Variants in GET4 observed in about 807,000 individuals in gnomAD.
The protein encoded by GET4 is guided entry of tail-anchored proteins factor 4.
A neutral mutation model predicts 40.0 loss-of-function variants in GET4; 20 were observed. The ratio of observed to expected loss-of-function variants is 0.50; its 90% CI spans 0.35 to 0.73. GET4 has a LOEUF of 0.73. Among genes scored for constraint, GET4 ranks in the 30% least tolerant of loss-of-function variants. The pLI is 0.01. For missense variants in GET4, 557 were observed against 454.0 expected (o/e 1.23, Z -2.06); for synonymous variants, 280 against 194.6 (o/e 1.44, Z -3.65).
intron 1 of GET4, chr7:882,046 T>C (rs1161545813): frequency 2.6e-5 from 4 of 152,266 alleles, no homozygotes; most frequent in African/African-American, 7.2e-5. Flanking sequence ...GCGGTGTATA[T>C]GGACCACATC....
chr7:885,005 C>T (rs1387948534), intron 1 of GET4: 1 of 152,272 alleles, frequency 6.6e-6, no homozygotes. Context: ...CAGTCTCAAA[C>T]TCATGAGCTC....
chr7:891,182 T>G, intron 5 of GET4, 116 bp downstream of exon 5: 1 of 763,078 alleles, frequency 1.3e-6, no homozygotes, highest in Non-Finnish European at 2.1e-6. Flanking sequence ...CTGAGTTCAC[T>G]CTGGGCAGAG....
At chr7:886,024 G>A (rs201173175) in intron 1 of GET4, 32 bp from the exon 2 acceptor site, 2 of 1,370,970 alleles carry the variant, frequency 1.5e-6, no homozygotes, top group African/African-American at 1.4e-5. Flanking sequence ...GAGGGCACGT[G>A]GGCGTGGCTC....
At chr7:887,986 G>C (rs1250824192) in intron 4 of GET4, among the ~76,000 whole-genome samples, 2 of 152,206 alleles carry the variant, frequency 1.3e-5, no homozygotes, top group African/African-American at 4.8e-5. Flanking sequence ...GCTCTGAGGC[G>C]GGAGTGGTGC....
rs548328560 is a variant in GET4, at chr7:883,403, T to G, written c.156-2653T>G. The stretch of plus-strand genomic sequence containing the variant: ...GGCGGGATTCGCCCCATGAGCTCGG[T>G]CTTTCTTCATTTGACACCGACAGTC... On this transcript the variant is annotated intron_variant, in intron 1 of 8. Coordinates refer to ENST00000265857, the MANE Select transcript of GET4 (RefSeq NM_015949.3). 6.6e-5 allele frequency: 39 copies of G among 588,024 alleles called. No homozygotes were observed. The African/African-American group carries it at 7.6e-4, about 11-fold the overall frequency. 36.4% of individuals were successfully genotyped at this position (588,024 alleles called of 1,614,324 possible). A position where few individuals can be genotyped will look rare whatever the true frequency, so the allele number is the denominator to read the frequency against.
rs1201153606 is a variant in GET4 at position 892,709 on chromosome 7, G to A, written c.746+291G>A. Among the ~76,000 whole-genome samples, 5 of 151,672 alleles carry A rather than the reference G, an allele frequency of 3.3e-5. No individual in the cohort carries two copies. The South Asian group carries it at 6.2e-4, about 19-fold the overall frequency. On this transcript the variant is annotated intron_variant, in intron 6 of 8. Coordinates refer to ENST00000265857, the MANE Select transcript of GET4 (RefSeq NM_015949.3). ...TCTGGTAGTGTGGGTGTGTGCAGGT[G>A]TGGGGTGGTGTGGGTGCAGACGTCT... is the stretch of plus-strand genomic sequence containing the variant.
chr7:884,428 G>C, intron 1 of GET4: 1 of 1,181,868 alleles, frequency 8.5e-7, no homozygotes, highest in African/African-American at 1.6e-5. Flanking sequence ...ACTGTGCGGG[G>C]AGCACAGCAA....
At position 895,394 on chromosome 7, in the gene GET4, GCGACGGCAGCCCCAT is replaced by G. The variant is rs759448464; in HGVS notation, c.960_974del (p.Asp320_Ile324del). The G allele has an allele frequency of 3.1e-6, 5 of 1,594,154 alleles. No individual in the cohort carries two copies. Among genetic ancestry groups the G allele is most frequent in the Non-Finnish European group, 4.3e-6 (5 of 1,163,630 alleles). On this transcript the variant is annotated inframe_deletion, in exon 9 of 9. Transcript: ENST00000265857. ...CAGGAGGATGGGGAGGAGAGCCCCAGCGACGGCAGCCCCATCGAGCTGGACTGAACTGGCCAGGCC... is the reference window on the plus strand; with the variant it reads ...CAGGAGGATGGGGAGGAGAGCCCCAGCGAGCTGGACTGAACTGGCCAGGCC...
Position 876,619 on chromosome 7 carries a change from G to C in GET4, c.-27G>C, listed in dbSNP as rs1843941772. Reference sequence around the variant, plus strand: ...CGCTGCCGACCGCGCCTGCGACAGCGTCAGCCCTGCGCGGAGCGCCGGCCC... The same window carrying C: ...CGCTGCCGACCGCGCCTGCGACAGCCTCAGCCCTGCGCGGAGCGCCGGCCC... On this transcript the variant is annotated 5_prime_UTR_variant, in exon 1 of 9. Coordinates refer to ENST00000265857, the MANE Select transcript of GET4 (RefSeq NM_015949.3). 1 of 1,198,068 alleles carries C rather than the reference G, an allele frequency of 8.3e-7. No individual in the cohort carries two copies. Among genetic ancestry groups the C allele is most frequent in the Admixed American group, 4.7e-5 (1 of 21,446 alleles). 74.2% of individuals were successfully genotyped at this position (1,198,068 alleles called of 1,614,324 possible).
intron 3 of GET4, 64 bp from the exon 4 acceptor site, chr7:887,306 G>T: frequency 6.8e-7 from 1 of 1,477,192 alleles, no homozygotes; most frequent in Non-Finnish European, 9.4e-7. Context: ...CTTCTGTGGG[G>T]AATGTGGGAC....
chr7:894,823 G>A (rs989449056), intron 8 of GET4, among the ~76,000 whole-genome samples: 4 of 152,206 alleles, frequency 2.6e-5, no homozygotes, highest in South Asian at 2.1e-4. Context: ...GGCTTTGTAC[G>A]TACAGAGTAG....
At chr7:894,630 C>G (rs1057459022) in intron 8 of GET4, among the ~76,000 whole-genome samples, 11 of 152,184 alleles carry the variant, frequency 7.2e-5, no homozygotes, top group African/African-American at 2.7e-4. Context: ...AGCGCCCTGA[C>G]TCTTCTGACT....
chr7:882,599 G>A (rs554818470), intron 1 of GET4: 8 of 149,432 alleles, frequency 5.4e-5, no homozygotes, highest in African/African-American at 1.8e-4. Context: ...GGTTGTGGGC[G>A]GCCGACCTTG....
At chr7:883,754 C>G in intron 1 of GET4, 1 of 987,950 alleles carries the variant, frequency 1.0e-6, no homozygotes, top group Non-Finnish European at 1.2e-6. Context: ...CCTGTCCTGG[C>G]TTAGTCACCT....
At chr7:884,087 CT>C in intron 1 of GET4, 7 of 1,192,758 alleles carry the variant, frequency 5.9e-6, no homozygotes, top group East Asian at 5.9e-5. Flanking sequence ...CCAGGGAGTC[CT>C]TTTTTTCTTC....
At chr7:889,301 A>G (rs577541456) in intron 4 of GET4, among the ~76,000 whole-genome samples, 20 of 152,366 alleles carry the variant, frequency 1.3e-4, no homozygotes, top group African/African-American at 4.8e-4. Flanking sequence ...CTCCACGGCA[A>G]GGTGGCCACG....
At chr7:887,732 G>A (rs568009362) in intron 4 of GET4, among the ~76,000 whole-genome samples, 1 of 152,216 alleles carries the variant, frequency 6.6e-6, no homozygotes, top group Non-Finnish European at 1.5e-5. Context: ...GCAGGCGGCC[G>A]CCTCTCCAGG....
intron 5 of GET4, 38 bp from the exon 6 acceptor site, chr7:892,240 C>T (rs1283616509): frequency 1.9e-6 from 3 of 1,581,086 alleles, no homozygotes; most frequent in Non-Finnish European, 8.7e-7. Context: ...AAGCTGTGTC[C>T]TCCAGCCCTT....
chr7:893,365 T>C (rs58108866), intron 6 of GET4, among the ~76,000 whole-genome samples: 284 of 47,690 alleles, frequency 6.0e-3, no homozygotes, highest in Middle Eastern at 0.016. Flanking sequence ...GAGTGTTGGG[T>C]GTGGGCGTGG....
Sources: allele counts gnomAD v4.1 joint callset (sites outside exome capture counted in the v4.1 genomes callset), GRCh38; gene constraint gnomAD v4.1.1; transcripts MANE v1.5; gene names NCBI Gene and HGNC (gene_info 2026-07-23, HGNC 2026-07-21).